EXT1: variants seen among roughly 807,000 people sequenced by gnomAD.
The protein encoded by EXT1 is exostosin glycosyltransferase 1.
A neutral mutation model predicts 82.5 loss-of-function variants in EXT1; 20 were observed. That is an observed-to-expected ratio of 0.24 (90% CI 0.17 to 0.35). EXT1 has a LOEUF of 0.35. Among genes scored for constraint, EXT1 ranks in the 10% least tolerant of loss-of-function variants. The pLI, the probability that EXT1 is intolerant of heterozygous loss-of-function variation, is 1.00. For missense variants in EXT1, 757 were observed against 936.5 expected, an observed-to-expected ratio of 0.81 and a Z score of 2.50; for synonymous variants, 348 against 350.8, an observed-to-expected ratio of 0.99 and a Z score of 0.09.
chr8:117,916,146 C>T (rs971031855), intron 1 of EXT1, among the ~76,000 whole-genome samples: 2 of 152,176 alleles, frequency 1.3e-5, no homozygotes, highest in Non-Finnish European at 2.9e-5. Context: ...ACATAAATTA[C>T]AGTAACTTTA....
At chr8:117,938,035 T>A (rs1239416053) in intron 1 of EXT1, among the ~76,000 whole-genome samples, 3 of 152,218 alleles carry the variant, frequency 2.0e-5, no homozygotes. Flanking sequence ...AGGAAATATC[T>A]CATTTGCCCC....
chr8:117,993,288 C>T (rs1815472415), intron 1 of EXT1, among the ~76,000 whole-genome samples: 2 of 152,128 alleles, frequency 1.3e-5, no homozygotes, highest in Non-Finnish European at 2.9e-5. Flanking sequence ...GCATGGGGAT[C>T]AACAGATAAA....
intron 1 of EXT1, among the ~76,000 whole-genome samples, chr8:118,008,446 AG>A (rs1260908548): frequency 6.6e-6 from 1 of 151,976 alleles, no homozygotes; most frequent in Non-Finnish European, 1.5e-5. Context: ...TTTTTAGTAA[AG>A]ACAGGGTTTC....
intron 1 of EXT1, among the ~76,000 whole-genome samples, chr8:117,846,948 T>G (rs564031850): frequency 6.6e-6 from 1 of 152,200 alleles, no homozygotes; most frequent in African/African-American, 2.4e-5. Flanking sequence ...AAGGCTTCCC[T>G]GATCCCTGGA....
intron 1 of EXT1, among the ~76,000 whole-genome samples, chr8:117,932,073 A>T (rs1248307483): frequency 2.0e-5 from 3 of 152,244 alleles, no homozygotes; most frequent in African/African-American, 7.2e-5. Flanking sequence ...TTTCAATTCG[A>T]AATTACGTAG....
chr8:117,815,576 T>C (rs1172629689), intron 7 of EXT1, among the ~76,000 whole-genome samples: 2 of 152,220 alleles, frequency 1.3e-5, no homozygotes, highest in Non-Finnish European at 2.9e-5. Context: ...AACTGGGTTT[T>C]CCTTGTTAGT....
At chr8:117,975,741 G>C (rs191105689) in intron 1 of EXT1, among the ~76,000 whole-genome samples, 1 of 152,308 alleles carries the variant, frequency 6.6e-6, no homozygotes, top group East Asian at 1.9e-4. Context: ...TTACTTGACA[G>C]AGCAATGGCT....
chr8:118,038,953 T>C (rs7357466), intron 1 of EXT1, among the ~76,000 whole-genome samples: 59,294 of 152,078 alleles, frequency 0.39, 12,077 homozygotes, highest in Middle Eastern at 0.52. Context: ...GCATAGAACT[T>C]ACTATGGTCT....
At chr8:117,921,242 A>G (rs1813848771) in intron 1 of EXT1, among the ~76,000 whole-genome samples, 1 of 152,120 alleles carries the variant, frequency 6.6e-6, no homozygotes, top group Non-Finnish European at 1.5e-5. Context: ...CGCTACTTCC[A>G]TCATAAATGC....
intron 1 of EXT1, among the ~76,000 whole-genome samples, chr8:117,862,979 G>C (rs1393978127): frequency 7.3e-6 from 1 of 137,256 alleles, no homozygotes; most frequent in Admixed American, 7.5e-5. Context: ...GTCTGGGTGG[G>C]AGTGGTGGAG....
chr8:117,821,959 T>A lies in EXT1; in HGVS notation c.1417+506A>T, dbSNP rs571425813. ...ATCTTATTTGACTTTTTATTTCTAG[T>A]ACCCAGCAATACATTAGCATAGCAC... On this transcript the variant is annotated intron_variant, in intron 5 of 10. Coordinates refer to ENST00000378204, the MANE Select transcript of EXT1 (RefSeq NM_000127.3). 7.2e-5 allele frequency among the ~76,000 whole-genome samples: 11 copies of A among 152,310 alleles called. No individual in the cohort carries two copies. The South Asian group carries it at 1.7e-3, about 23-fold the overall frequency.
chr8:117,954,369 A>T (rs1814549359), intron 1 of EXT1, among the ~76,000 whole-genome samples: 1 of 152,172 alleles, frequency 6.6e-6, no homozygotes. Flanking sequence ...CTCTGATGTG[A>T]TGTCTACAGC....
chr8:118,059,834 A>G (rs1360863538), intron 1 of EXT1, among the ~76,000 whole-genome samples: 1 of 152,230 alleles, frequency 6.6e-6, no homozygotes. Flanking sequence ...CAGCTGGTTG[A>G]TAAATAGGAT....
rs375649858 is a variant in EXT1 at position 117,846,096 on chromosome 8, C to T, written c.963-8895G>A. ...TTCTGAAAGAGGAGAGGTTTTGCAG[C>T]ACCAGCTTTTTCTTTTTTCCCCCCT... On this transcript the variant is annotated intron_variant, in intron 1 of 10. Transcript: ENST00000378204. 2.1e-4 allele frequency among the ~76,000 whole-genome samples: 32 copies of T among 152,238 alleles called. No individual in the cohort carries two copies. In the East Asian group the frequency reaches 2.3e-3, roughly 11 times the overall value.
chr8:117,898,726 G>C (rs1813388877), intron 1 of EXT1, among the ~76,000 whole-genome samples: 1 of 152,078 alleles, frequency 6.6e-6, no homozygotes, highest in South Asian at 2.1e-4. Context: ...CAGAAACTCA[G>C]GGAAATGCAA....
chr8:117,801,528 C>T (rs1054151344), intron 10 of EXT1, among the ~76,000 whole-genome samples: 1 of 151,682 alleles, frequency 6.6e-6, no homozygotes, highest in African/African-American at 2.4e-5. Flanking sequence ...TTTTTAAAGG[C>T]AGAGTCTCAC....
chr8:117,999,278 G>A (rs1235871773), intron 1 of EXT1, among the ~76,000 whole-genome samples: 1 of 152,052 alleles, frequency 6.6e-6, no homozygotes, highest in Non-Finnish European at 1.5e-5. Flanking sequence ...ATTTTAAGAG[G>A]GGATGATTCT....
intron 1 of EXT1, among the ~76,000 whole-genome samples, chr8:118,098,289 G>C (rs760392663): frequency 1.3e-5 from 2 of 152,102 alleles, no homozygotes; most frequent in African/African-American, 2.4e-5. Flanking sequence ...GACAACCATA[G>C]GACAAGAGAC....
chr8:118,060,697 G>T (rs1816868037), intron 1 of EXT1, among the ~76,000 whole-genome samples: 1 of 152,160 alleles, frequency 6.6e-6, no homozygotes, highest in Non-Finnish European at 1.5e-5. Flanking sequence ...CAGTTCTCCA[G>T]TTAAAGGAGA....
Sources: gnomAD v4.1 joint callset for allele counts (sites outside exome capture counted in the v4.1 genomes callset) on GRCh38, gnomAD v4.1.1 for gene constraint, MANE v1.5 for transcripts, NCBI Gene and HGNC (gene_info 2026-07-23, HGNC 2026-07-21) for gene names.